Variants in GPC5 observed in about 807,000 individuals in gnomAD.
GPC5 encodes glypican-5.
Under a neutral mutation model 53.9 loss-of-function variants are expected in GPC5, and 47 were observed. The observed-to-expected ratio is 0.87, with a 90% confidence interval of 0.69 to 1.11. GPC5 has a LOEUF of 1.11. Ranked by LOEUF, GPC5 falls within the 50% of genes most tolerant of loss-of-function variation. GPC5 has a pLI of 0.00. For missense variants in GPC5, 748 were observed against 713.1 expected (o/e 1.05, Z -0.56); for synonymous variants, 286 against 263.3 (o/e 1.09, Z -0.84).
intron 5 of GPC5, among the ~76,000 whole-genome samples, chr13:91,845,071 G>A (rs1327922325): frequency 6.6e-6 from 1 of 152,112 alleles, no homozygotes; most frequent in Non-Finnish European, 1.5e-5. Flanking sequence ...TTTTAGGGTA[G>A]CTCTAATAAT....
intron 4 of GPC5, among the ~76,000 whole-genome samples, chr13:91,749,408 A>AT (rs1395896311): frequency 6.6e-6 from 1 of 152,230 alleles, no homozygotes; most frequent in East Asian, 1.9e-4. Context: ...TATAGACCAC[A>AT]TTTTATCCAG....
intron 7 of GPC5, among the ~76,000 whole-genome samples, chr13:92,754,896 C>G (rs1212206577): frequency 6.8e-6 from 1 of 148,134 alleles, no homozygotes; most frequent in Non-Finnish European, 1.5e-5. Context: ...CTTTAACACC[C>G]CACTGTCAAC....
chr13:92,630,173 G>A (rs1323526522), intron 7 of GPC5, among the ~76,000 whole-genome samples: 2 of 152,104 alleles, frequency 1.3e-5, no homozygotes, highest in Admixed American at 6.5e-5. Context: ...AACATTTAAT[G>A]AGCAATTATT....
In GPC5 at chr13:92,742,452, T is replaced by A. The variant is rs895220922; in HGVS notation, c.1562-123830T>A. The stretch of plus-strand genomic sequence containing the variant: ...GGGTTGTTTGTTTTTTTCTTGTAAA[T>A]TTGAGTTCTTTGTAGATTCTGGATA... On this transcript the variant is annotated intron_variant, in intron 7 of 7. Transcript: ENST00000377067. 3.0e-4 allele frequency among the ~76,000 whole-genome samples: 45 copies of A among 151,910 alleles called. 1 individual carries two copies. The highest frequency in any genetic ancestry group is 2.9e-4 in the Non-Finnish European group (20 of 68,002).
intron 2 of GPC5, among the ~76,000 whole-genome samples, chr13:91,596,939 C>T (rs1285339938): frequency 6.6e-6 from 1 of 152,060 alleles, no homozygotes; most frequent in African/African-American, 2.4e-5. Context: ...CTCTGAAGTT[C>T]TCTCACCTTT....
In GPC5 at chr13:92,139,935, T is replaced by C. The variant is rs144943257; in HGVS notation, c.1402-4895T>C. Among the ~76,000 whole-genome samples the C allele has an allele frequency of 6.7e-3, 1,022 of 152,298 alleles. 8 individuals carry two copies. The highest frequency in any genetic ancestry group is 0.024 in the African/African-American group (996 of 41,570). On this transcript the variant is annotated intron_variant, in intron 6 of 7. Transcript: ENST00000377067. The stretch of plus-strand genomic sequence containing the variant: ...AGCGTCTACAATGTGGTAAGTACTC[T>C]AGTCATGATGGAAGGTGATGGAAAG...
At chr13:92,238,504 G>A (rs1378646468) in intron 7 of GPC5, among the ~76,000 whole-genome samples, 1 of 152,030 alleles carries the variant, frequency 6.6e-6, no homozygotes, top group South Asian at 2.1e-4. Flanking sequence ...CTCTTCATTA[G>A]AGAAATGTCT....
chr13:91,531,999 A>T (rs1186984432), intron 2 of GPC5, among the ~76,000 whole-genome samples: 1 of 152,180 alleles, frequency 6.6e-6, no homozygotes, highest in Non-Finnish European at 1.5e-5. Context: ...CAGCTAACTG[A>T]AGTTTTCAAA....
intron 7 of GPC5, among the ~76,000 whole-genome samples, chr13:92,541,718 G>A (rs1053193080): frequency 1.3e-5 from 2 of 151,708 alleles, no homozygotes; most frequent in African/African-American, 2.4e-5. Flanking sequence ...TTTCTCCTAC[G>A]CTATTTTCTA....
intron 6 of GPC5, among the ~76,000 whole-genome samples, chr13:92,092,965 T>C (rs1179390777): frequency 6.6e-6 from 1 of 151,942 alleles, no homozygotes; most frequent in Non-Finnish European, 1.5e-5. Context: ...AGGGTGATGG[T>C]CAAATAAATC....
At chr13:92,786,902 G>A (rs544062466) in intron 7 of GPC5, among the ~76,000 whole-genome samples, 5 of 152,146 alleles carry the variant, frequency 3.3e-5, no homozygotes, top group African/African-American at 7.2e-5. Flanking sequence ...CCAGCAACAG[G>A]CAAAGGGATC....
intron 7 of GPC5, among the ~76,000 whole-genome samples, chr13:92,511,798 A>G (rs1880575782): frequency 6.6e-6 from 1 of 152,150 alleles, no homozygotes; most frequent in Non-Finnish European, 1.5e-5. Context: ...GCAATCATCA[A>G]TCTGTATGAC....
intron 7 of GPC5, among the ~76,000 whole-genome samples, chr13:92,452,879 A>G (rs1334335374): frequency 6.6e-6 from 1 of 152,102 alleles, no homozygotes; most frequent in South Asian, 2.1e-4. Context: ...GATTACTCTT[A>G]TTTTTATAGG....
intron 7 of GPC5, among the ~76,000 whole-genome samples, chr13:92,188,651 C>T (rs55668290): frequency 0.064 from 9,742 of 152,188 alleles, 1,049 homozygotes; most frequent in African/African-American, 0.22. Context: ...ATAATTGCTG[C>T]ATAACAGTTA....
chr13:92,465,510 T>TA (rs1326830932), intron 7 of GPC5, among the ~76,000 whole-genome samples: 1 of 152,044 alleles, frequency 6.6e-6, no homozygotes, highest in African/African-American at 2.4e-5. Context: ...CCTATATACT[T>TA]AAAAAAATTG....
chr13:91,464,869 C>T (rs1882142383), intron 2 of GPC5, among the ~76,000 whole-genome samples: 1 of 152,034 alleles, frequency 6.6e-6, no homozygotes, highest in African/African-American at 2.4e-5. Flanking sequence ...GTAGATTCTA[C>T]CAATGTCAGT....
chr13:92,148,768 A>G (rs1361243685), intron 7 of GPC5, among the ~76,000 whole-genome samples: 8 of 152,100 alleles, frequency 5.3e-5, no homozygotes, highest in Admixed American at 1.3e-4. Context: ...AACTGGAAAA[A>G]ATAATTCTCT....
At chr13:92,155,981 A>G (rs561623935) in intron 7 of GPC5, among the ~76,000 whole-genome samples, 1 of 152,284 alleles carries the variant, frequency 6.6e-6, no homozygotes, top group Non-Finnish European at 1.5e-5. Context: ...ATCTCAAAAC[A>G]TTTGTTGCTT....
chr13:91,837,536 C>T (rs568712640), intron 5 of GPC5, among the ~76,000 whole-genome samples: 1 of 152,102 alleles, frequency 6.6e-6, no homozygotes, highest in Non-Finnish European at 1.5e-5. Flanking sequence ...AAGGAAAAAA[C>T]CAAAATATCA....
Sources: allele counts gnomAD v4.1 joint callset (sites outside exome capture counted in the v4.1 genomes callset), GRCh38; gene constraint gnomAD v4.1.1; transcripts MANE v1.5; gene names NCBI Gene and HGNC (gene_info 2026-07-23, HGNC 2026-07-21).